SOCS5: variants seen among roughly 807,000 people sequenced by gnomAD.
SOCS5 encodes CIS-6.
In SOCS5, 32 loss-of-function variants were observed where a neutral mutation model predicts 42.8. The ratio of observed to expected loss-of-function variants is 0.75; its 90% CI spans 0.56 to 1.01. The LOEUF (loss-of-function observed/expected upper bound fraction) is 1.01, where lower values mean the gene tolerates loss of function less well. SOCS5 is among the 50% of genes least tolerant of loss of function. SOCS5 has a pLI of 0.00. For synonymous variants in SOCS5, 283 were observed against 229.6 expected (o/e 1.23, Z -2.10); for missense variants, 627 against 653.0 (o/e 0.96, Z 0.43).
intron 1 of SOCS5, among the ~76,000 whole-genome samples, chr2:46,704,935 T>C (rs1244475981): frequency 6.6e-6 from 1 of 152,054 alleles, no homozygotes; most frequent in African/African-American, 2.4e-5. Context: ...TCCCAACCAC[T>C]GGGGAGAAGA....
At chr2:46,719,620 A>G (rs571685190) in intron 1 of SOCS5, among the ~76,000 whole-genome samples, 1 of 152,322 alleles carries the variant, frequency 6.6e-6, no homozygotes, top group Middle Eastern at 3.4e-3. Context: ...TGACGTCTGT[A>G]TCCCTGGCAT....
At chr2:46,749,390 G>T (rs575411404) in intron 1 of SOCS5, among the ~76,000 whole-genome samples, 1 of 152,134 alleles carries the variant, frequency 6.6e-6, no homozygotes, top group Non-Finnish European at 1.5e-5. Context: ...CGAGACTTAG[G>T]TCTCTAACAC....
At chr2:46,710,283 A>G (rs191090742) in intron 1 of SOCS5, among the ~76,000 whole-genome samples, 372 of 152,210 alleles carry the variant, frequency 2.4e-3, no homozygotes, top group Admixed American at 4.8e-3. Context: ...AGTAACTGGG[A>G]TTACAGGTGT....
chr2:46,701,114 C>T (rs1352723480), intron 1 of SOCS5, among the ~76,000 whole-genome samples: 3 of 152,214 alleles, frequency 2.0e-5, no homozygotes, highest in Admixed American at 6.5e-5. Context: ...GGAGAATGTA[C>T]TGGCTTACAA....
intron 1 of SOCS5, among the ~76,000 whole-genome samples, chr2:46,724,712 T>C (rs1672955554): frequency 6.6e-6 from 1 of 152,104 alleles, no homozygotes; most frequent in Non-Finnish European, 1.5e-5. Context: ...AGGTTCATTA[T>C]GGTCAAACAA....
chr2:46,703,514 C>G (rs778866744), intron 1 of SOCS5, among the ~76,000 whole-genome samples: 2 of 152,156 alleles, frequency 1.3e-5, no homozygotes, highest in African/African-American at 2.4e-5. Flanking sequence ...TAGGTACTCT[C>G]TTCAAGTCTA....
At chr2:46,742,648 C>G (rs975289724) in intron 1 of SOCS5, among the ~76,000 whole-genome samples, 2 of 151,956 alleles carry the variant, frequency 1.3e-5, no homozygotes, top group African/African-American at 4.8e-5. Context: ...TTTGAGAAGT[C>G]ATAAGTTTTT....
At chr2:46,747,703 G>A (rs1469666124) in intron 1 of SOCS5, among the ~76,000 whole-genome samples, 2 of 152,072 alleles carry the variant, frequency 1.3e-5, no homozygotes, top group African/African-American at 2.4e-5. Context: ...CTAATTTGCA[G>A]TTTCTAAGCT....
chr2:46,743,458 G>A lies in SOCS5; in HGVS notation c.-12-15061G>A, dbSNP rs182416590. On this transcript the variant is annotated intron_variant, in intron 1 of 1. Transcript: ENST00000394861. Reference sequence around the variant, plus strand: ...TGCCATGGCATTTGTAACCTGTCATGGCACTGGTGGGAGTGTAACAGTGAG... The same window carrying A: ...TGCCATGGCATTTGTAACCTGTCATAGCACTGGTGGGAGTGTAACAGTGAG... Among the ~76,000 whole-genome samples, 65 of 152,240 alleles carry A rather than the reference G, an allele frequency of 4.3e-4. 1 individual carries two copies. Among genetic ancestry groups the A allele is most frequent in the African/African-American group, 1.5e-3 (62 of 41,514 alleles).
chr2:46,734,799 C>G (rs1673207201), intron 1 of SOCS5, among the ~76,000 whole-genome samples: 1 of 152,064 alleles, frequency 6.6e-6, no homozygotes, highest in South Asian at 2.1e-4. Flanking sequence ...TGAATAAGAC[C>G]ACATCCAGGA....
intron 1 of SOCS5, among the ~76,000 whole-genome samples, chr2:46,753,536 C>T (rs1211696849): frequency 6.6e-6 from 1 of 152,064 alleles, no homozygotes; most frequent in Non-Finnish European, 1.5e-5. Context: ...GAAAGGGGTT[C>T]GATCCAGACC....
chr2:46,700,035 G>A (rs1672306734), intron 1 of SOCS5, among the ~76,000 whole-genome samples: 1 of 152,194 alleles, frequency 6.6e-6, no homozygotes, highest in African/African-American at 2.4e-5. Flanking sequence ...GGATGCGGAG[G>A]CGGGAGCTGG....
chr2:46,718,945 A>G (rs115564769), intron 1 of SOCS5, among the ~76,000 whole-genome samples: 38 of 152,358 alleles, frequency 2.5e-4, no homozygotes, highest in African/African-American at 8.2e-4. Flanking sequence ...TTAGGAATTT[A>G]TTATAAGGAA....
At chr2:46,726,550 C>A (rs1181965837) in intron 1 of SOCS5, among the ~76,000 whole-genome samples, 1 of 152,046 alleles carries the variant, frequency 6.6e-6, no homozygotes, top group East Asian at 1.9e-4. Flanking sequence ...ACCAGTGACA[C>A]GAATGTCAGA....
intron 1 of SOCS5, among the ~76,000 whole-genome samples, chr2:46,743,307 T>C (rs953673180): frequency 6.6e-6 from 1 of 152,182 alleles, no homozygotes; most frequent in African/African-American, 2.4e-5. Context: ...AGAATGGCTC[T>C]TCCATAGAGC....
intron 1 of SOCS5, among the ~76,000 whole-genome samples, chr2:46,737,203 C>T (rs1412076602): frequency 6.6e-6 from 1 of 152,174 alleles, no homozygotes; most frequent in Non-Finnish European, 1.5e-5. Context: ...TAGAGAAATA[C>T]AGTGGCCTTT....
intron 1 of SOCS5, among the ~76,000 whole-genome samples, chr2:46,715,645 T>C (rs1011307087): frequency 5.9e-5 from 9 of 152,170 alleles, no homozygotes; most frequent in African/African-American, 2.2e-4. Flanking sequence ...CTTGTTTGTA[T>C]AGTTTCTGAC....
At chr2:46,754,171 G>C (rs1443974952) in intron 1 of SOCS5, among the ~76,000 whole-genome samples, 1 of 152,118 alleles carries the variant, frequency 6.6e-6, no homozygotes, top group Non-Finnish European at 1.5e-5. Flanking sequence ...TTTTCTTTCA[G>C]AGTAGGTCTA....
chr2:46,747,829 T>C (rs1673539167), intron 1 of SOCS5, among the ~76,000 whole-genome samples: 1 of 152,142 alleles, frequency 6.6e-6, no homozygotes, highest in Admixed American at 6.5e-5. Context: ...AACTTTATCG[T>C]CATATTGTCC....
Sources: allele counts gnomAD v4.1 joint callset (sites outside exome capture counted in the v4.1 genomes callset), GRCh38; gene constraint gnomAD v4.1.1; transcripts MANE v1.5; gene names NCBI Gene and HGNC (gene_info 2026-07-23, HGNC 2026-07-21).